Variants in VPS53 observed in about 807,000 individuals in gnomAD.
VPS53 encodes vacuolar protein sorting-associated protein 53 homolog.
A neutral mutation model predicts 107.0 loss-of-function variants in VPS53; 70 were observed. The ratio of observed to expected loss-of-function variants is 0.65; its 90% CI spans 0.54 to 0.80. The LOEUF is 0.80. VPS53 is among the 30% of genes least tolerant of loss of function. The probability of loss-of-function intolerance (pLI) is 0.00; values close to 1 mark genes in which losing one functional copy is unlikely to be tolerated. For synonymous variants in VPS53, 409 were observed against 393.3 expected, an observed-to-expected ratio of 1.04 and a Z score of -0.47; for missense variants, 917 against 1,049.4, an observed-to-expected ratio of 0.87 and a Z score of 1.74.
chr17:601,352 C>A (rs1481046782), intron 12 of VPS53, among the ~76,000 whole-genome samples: 1 of 152,212 alleles, frequency 6.6e-6, no homozygotes, highest in Non-Finnish European at 1.5e-5. Context: ...CCAGGCCTCC[C>A]CAATGGCTTC....
At chr17:632,677 A>G in intron 7 of VPS53, 4 of 456,100 alleles carry the variant, frequency 8.8e-6, no homozygotes, top group Non-Finnish European at 1.8e-5. Context: ...TATGCCTCCC[A>G]GCCTCTGGGA....
At chr17:546,027 C>T (rs1345531001) in intron 17 of VPS53, among the ~76,000 whole-genome samples, 1 of 152,130 alleles carries the variant, frequency 6.6e-6, no homozygotes, top group Non-Finnish European at 1.5e-5. Flanking sequence ...TGGAATAGAA[C>T]TGAGAGTCCA....
At chr17:660,253 G>A (rs921856890) in intron 5 of VPS53, among the ~76,000 whole-genome samples, 14 of 152,158 alleles carry the variant, frequency 9.2e-5, no homozygotes, top group African/African-American at 1.4e-4. Context: ...ATGGGTAATC[G>A]CAAAGATAAT....
chr17:661,574 G>T (rs371966494), intron 5 of VPS53, among the ~76,000 whole-genome samples: 5 of 150,906 alleles, frequency 3.3e-5, no homozygotes, highest in African/African-American at 1.2e-4. Flanking sequence ...CAAAAAAGTT[G>T]CCTATTTAAA....
At chr17:678,716 G>A (rs1032705428) in intron 4 of VPS53, among the ~76,000 whole-genome samples, 1 of 151,636 alleles carries the variant, frequency 6.6e-6, no homozygotes, top group African/African-American at 2.4e-5. Flanking sequence ...TCGGCTCACT[G>A]CAAGCTCCAC....
chr17:632,869 T>G, intron 7 of VPS53: 1 of 424,848 alleles, frequency 2.4e-6, no homozygotes, highest in South Asian at 1.7e-5. Flanking sequence ...AACAAGCTCG[T>G]TAAGTTTTTA....
chr17:509,600 C>T lies in VPS53; in HGVS notation c.*9528G>A. 1 of 171,152 alleles carries T rather than the reference C, an allele frequency of 5.8e-6. No individual in the cohort carries two copies. Among genetic ancestry groups the T allele is most frequent in the Non-Finnish European group, 1.3e-5 (1 of 79,500 alleles). 10.6% of individuals were successfully genotyped at this position (171,152 alleles called of 1,614,324 possible). On this transcript the variant is annotated 3_prime_UTR_variant, in exon 22 of 22. Transcript: ENST00000437048. ...TACTCACATATCGAATCCTGGCTCA[C>T]CCCTCACTAGTCACGTATGGAATCC...
intron 4 of VPS53, among the ~76,000 whole-genome samples, chr17:680,498 A>G (rs1486971033): frequency 6.7e-6 from 1 of 149,698 alleles, no homozygotes; most frequent in Admixed American, 6.6e-5. Flanking sequence ...AAAAAGAAGG[A>G]AAAAAAAACT....
At chr17:563,730 C>T (rs1423323121) in intron 13 of VPS53, among the ~76,000 whole-genome samples, 3 of 152,214 alleles carry the variant, frequency 2.0e-5, no homozygotes, top group African/African-American at 4.8e-5. Flanking sequence ...CGATTAAAAA[C>T]TAAGCAGCCT....
chr17:676,973 A>G (rs955031581), intron 4 of VPS53, among the ~76,000 whole-genome samples: 4 of 152,208 alleles, frequency 2.6e-5, no homozygotes, highest in Non-Finnish European at 4.4e-5. Context: ...GCTTGTGTTA[A>G]TGCACCTGAG....
intron 7 of VPS53, among the ~76,000 whole-genome samples, chr17:644,587 A>AC (rs1381873945): frequency 2.7e-4 from 35 of 131,098 alleles, no homozygotes; most frequent in Admixed American, 2.6e-3. Flanking sequence ...TTTTAGTGTT[A>AC]TTTTTTTTTT....
At chr17:655,383 C>T (rs990763047) in intron 6 of VPS53, among the ~76,000 whole-genome samples, 4 of 151,874 alleles carry the variant, frequency 2.6e-5, no homozygotes, top group Non-Finnish European at 5.9e-5. Context: ...GCAACTCAGC[C>T]CAACGCAAGC....
intron 2 of VPS53, among the ~76,000 whole-genome samples, chr17:703,487 G>A (rs764104568): frequency 3.7e-4 from 57 of 152,190 alleles, no homozygotes; most frequent in Non-Finnish European, 7.8e-4. Flanking sequence ...CACCAGGGTC[G>A]AGGGCCTCTC....
intron 19 of VPS53, chr17:523,011 G>C (rs374790231): frequency 6.6e-6 from 1 of 152,194 alleles, no homozygotes; most frequent in East Asian, 1.9e-4. Context: ...AACGGGGTTA[G>C]AGAAAAGGTG....
chr17:531,409 AAAT>A (rs1391612810), intron 19 of VPS53, among the ~76,000 whole-genome samples: 8 of 152,242 alleles, frequency 5.3e-5, no homozygotes, highest in African/African-American at 1.9e-4. Flanking sequence ...GTTTGTTAAA[AAAT>A]AATAACAATA....
intron 7 of VPS53, among the ~76,000 whole-genome samples, chr17:643,104 C>CCGAGGACAACACTCACACTTGGAAAG (rs1473825564): frequency 1.2e-4 from 15 of 120,380 alleles, no homozygotes; most frequent in Non-Finnish European, 2.7e-4. Context: ...TACTTGGAAA[C>CCGAGGACAACACTCACACTTGGAAAG]CGAGGACAAC....
Position 518,586 on chromosome 17 carries a change from C to T in VPS53, c.*542G>A, listed in dbSNP as rs1466318434. 6.6e-6 allele frequency: 1 copy of T among 151,334 alleles called. No homozygotes were observed. The highest frequency in any genetic ancestry group is 1.5e-5 in the Non-Finnish European group (1 of 67,848). The allele number at this position is 151,334 out of a possible 1,614,324, so 9.4% of individuals were successfully genotyped here. On this transcript the variant is annotated 3_prime_UTR_variant, in exon 22 of 22. Transcript: ENST00000437048. The stretch of plus-strand genomic sequence containing the variant: ...CTTCCTGGTTTCCCTTCCCTAGAAA[C>T]CAGGAGCAGGGTGGGAGTAAAGAAA...
chr17:633,267 T>C (rs1020168198), intron 7 of VPS53, among the ~76,000 whole-genome samples: 2 of 152,176 alleles, frequency 1.3e-5, no homozygotes, highest in African/African-American at 4.8e-5. Flanking sequence ...AGCTGCCTGA[T>C]GTTGGTGGCC....
intron 13 of VPS53, among the ~76,000 whole-genome samples, chr17:580,649 C>G (rs1000081314): frequency 2.6e-5 from 4 of 151,242 alleles, no homozygotes; most frequent in African/African-American, 9.7e-5. Flanking sequence ...TCCCTCAGGA[C>G]AGAATGCGTT....
Sources: gnomAD v4.1 joint callset for allele counts (sites outside exome capture counted in the v4.1 genomes callset) on GRCh38, gnomAD v4.1.1 for gene constraint, MANE v1.5 for transcripts, NCBI Gene and HGNC (gene_info 2026-07-23, HGNC 2026-07-21) for gene names.